Variants in SHOC1 observed in about 807,000 individuals in gnomAD.
SHOC1 encodes the protein shortage in chiasmata 1.
In SHOC1, 136 loss-of-function variants were observed where a neutral mutation model predicts 179.2. That is an observed-to-expected ratio of 0.76 (90% CI 0.66 to 0.87). The LOEUF is 0.87. SHOC1 is among the 40% of genes least tolerant of loss of function. The pLI is 0.00. For synonymous variants in SHOC1, 489 were observed against 586.6 expected, an observed-to-expected ratio of 0.83 and a Z score of 2.41; for missense variants, 1,538 against 1,700.8, an observed-to-expected ratio of 0.90 and a Z score of 1.68.
In SHOC1 at chr9:111,755,632, C is replaced by T. The variant is rs554266089; in HGVS notation, c.862+693G>A. On this transcript the variant is annotated intron_variant, in intron 8 of 27. Transcript: ENST00000682961. ...ATGACTCTCCTAGTCATTGACTCCA[C>T]GAATCCATACTCTGAGCTCTTTATG... 1.1e-3 allele frequency among the ~76,000 whole-genome samples: 170 copies of T among 152,252 alleles called. 1 individual carries two copies. The highest frequency in any genetic ancestry group is 3.4e-3 in the Middle Eastern group (1 of 294).
At chr9:111,701,746 G>A (rs961911489) in intron 23 of SHOC1, among the ~76,000 whole-genome samples, 23 of 152,042 alleles carry the variant, frequency 1.5e-4, no homozygotes, top group Non-Finnish European at 3.2e-4. Flanking sequence ...AAAAAACAAG[G>A]TATTTAGACT....
intron 7 of SHOC1, 67 bp from the exon 8 acceptor site, chr9:111,756,545 G>A (rs931041228): frequency 2.8e-6 from 4 of 1,436,566 alleles, no homozygotes; most frequent in East Asian, 2.3e-5. Flanking sequence ...GAAATCATAA[G>A]TGGACAAAAT....
At position 111,758,960 on chromosome 9, in the gene SHOC1, A is replaced by G. The variant is rs529230424; in HGVS notation, c.443-112T>C. ...AGATACAGCTGGGTTTTTCAATCAC[A>G]TTTTAAACTCTGTAGCTCTTCATTG... On this transcript the variant is annotated intron_variant, in intron 5 of 27. Coordinates refer to ENST00000682961, the MANE Select transcript of SHOC1 (RefSeq NM_001378211.1). The G allele has an allele frequency of 1.7e-4, 143 of 861,054 alleles. No individual in the cohort carries two copies. The South Asian group carries it at 2.5e-3, about 15-fold the overall frequency. 53.3% of individuals were successfully genotyped at this position (861,054 alleles called of 1,614,324 possible).
chr9:111,736,301 C>G (rs1464720386), intron 12 of SHOC1, among the ~76,000 whole-genome samples: 1 of 152,162 alleles, frequency 6.6e-6, no homozygotes, highest in Non-Finnish European at 1.5e-5. Flanking sequence ...TATCACATTA[C>G]CTGATTCCAA....
intron 12 of SHOC1, among the ~76,000 whole-genome samples, chr9:111,729,888 C>CAAAA (rs34638806): frequency 9.2e-5 from 13 of 141,982 alleles, no homozygotes; most frequent in Non-Finnish European, 9.2e-5. Context: ...GACTTGGTCT[C>CAAAA]AAAAAAAAAA....
At chr9:111,703,665 C>T (rs1306503645) in intron 22 of SHOC1, among the ~76,000 whole-genome samples, 1 of 151,880 alleles carries the variant, frequency 6.6e-6, no homozygotes, top group African/African-American at 2.4e-5. Context: ...TCTTTATTTG[C>T]CCTATCTTCT....
intron 1 of SHOC1, among the ~76,000 whole-genome samples, chr9:111,792,240 A>C (rs1836471736): frequency 6.6e-6 from 1 of 152,174 alleles, no homozygotes; most frequent in African/African-American, 2.4e-5. Context: ...ACTCTAGGAC[A>C]GAGTAACTTC....
chr9:111,721,707 A>T (rs1294721675), intron 15 of SHOC1, among the ~76,000 whole-genome samples: 1 of 151,860 alleles, frequency 6.6e-6, no homozygotes, highest in African/African-American at 2.4e-5. Flanking sequence ...ACAATTCTAT[A>T]CTCTCTGTGC....
At chr9:111,732,121 T>C (rs1833600889) in intron 12 of SHOC1, among the ~76,000 whole-genome samples, 1 of 152,200 alleles carries the variant, frequency 6.6e-6, no homozygotes, top group South Asian at 2.1e-4. Flanking sequence ...TTAGAATGAT[T>C]AAAATTTAAA....
chr9:111,696,638 C>T (rs1009121310), intron 24 of SHOC1, among the ~76,000 whole-genome samples: 1 of 141,206 alleles, frequency 7.1e-6, no homozygotes, highest in African/African-American at 2.5e-5. Flanking sequence ...CCTATTTCAT[C>T]CCCAAATGCC....
At chr9:111,738,681 A>G (rs773904338) in intron 11 of SHOC1, among the ~76,000 whole-genome samples, 159 bp from the exon 12 acceptor site, 5 of 152,206 alleles carry the variant, frequency 3.3e-5, no homozygotes, top group Non-Finnish European at 5.9e-5. Context: ...TTTTGTCTCA[A>G]GATGCTAATA....
chr9:111,687,848 C>A (rs1831247994), intron 27 of SHOC1, among the ~76,000 whole-genome samples: 1 of 151,716 alleles, frequency 6.6e-6, no homozygotes, highest in South Asian at 2.1e-4. Flanking sequence ...CATGAACATA[C>A]ACCCTTTAGG....
chr9:111,707,165 G>A (rs1482410778), intron 19 of SHOC1, among the ~76,000 whole-genome samples: 1 of 151,638 alleles, frequency 6.6e-6, no homozygotes, highest in African/African-American at 2.4e-5. Flanking sequence ...CTTCATAAAT[G>A]ATTTAACAAC....
intron 17 of SHOC1, among the ~76,000 whole-genome samples, chr9:111,713,550 G>A (rs952521110): frequency 2.0e-5 from 3 of 152,122 alleles, no homozygotes; most frequent in African/African-American, 7.2e-5. Flanking sequence ...TGGGGGAGAG[G>A]TGGGAGAGCA....
intron 7 of SHOC1, among the ~76,000 whole-genome samples, chr9:111,757,808 T>G (rs972989476): frequency 1.3e-5 from 2 of 152,228 alleles, no homozygotes; most frequent in African/African-American, 4.8e-5. Flanking sequence ...TGGAAGAGAT[T>G]TTAAAGTTCC....
intron 5 of SHOC1, among the ~76,000 whole-genome samples, chr9:111,769,486 C>CT (rs1835480459): frequency 1.3e-5 from 2 of 151,576 alleles, no homozygotes; most frequent in African/African-American, 4.8e-5. Flanking sequence ...ACTTTTTTTC[C>CT]TTTTTTTGAC....
rs372847450 is a variant in SHOC1 at position 111,781,028 on chromosome 9, T to A, written c.170-11A>T. On this transcript the variant is annotated splice_polypyrimidine_tract_variant and intron_variant, in intron 3 of 27. Transcript: ENST00000682961. The stretch of plus-strand genomic sequence containing the variant: ...CTGAAACAGCTGAGACTAGAAAGGA[T>A]AATAGTTAACATTAATGTCTAGAAT... 1.9e-6 allele frequency: 3 copies of A among 1,595,728 alleles called. No individual in the cohort carries two copies. The highest frequency in any genetic ancestry group is 2.6e-6 in the Non-Finnish European group (3 of 1,165,208).
chr9:111,693,674 T>C, intron 26 of SHOC1, 125 bp downstream of exon 26: 1 of 496,652 alleles, frequency 2.0e-6, no homozygotes. Context: ...AATTATTTCC[T>C]TGCTATTTGA....
intron 20 of SHOC1, 39 bp downstream of exon 20, chr9:111,706,529 C>A (rs539805339): frequency 7.1e-7 from 1 of 1,411,708 alleles, no homozygotes. Flanking sequence ...AATTTTCATT[C>A]TAATAAAGCA....
Sources: gnomAD v4.1 joint callset for allele counts (sites outside exome capture counted in the v4.1 genomes callset) on GRCh38, gnomAD v4.1.1 for gene constraint, MANE v1.5 for transcripts, NCBI Gene and HGNC (gene_info 2026-07-23, HGNC 2026-07-21) for gene names.